CPE: variants seen among roughly 807,000 people sequenced by gnomAD.
The protein encoded by CPE is carbocypeptidase E.
Under a neutral mutation model 53.5 loss-of-function variants are expected in CPE, and 17 were observed. The observed-to-expected ratio is 0.32, with a 90% CI of 0.22 to 0.48. The LOEUF (loss-of-function observed/expected upper bound fraction) is 0.48. CPE is among the 20% of genes least tolerant of loss of function. CPE has a pLI of 0.99. For synonymous variants in CPE, 226 were observed against 228.8 expected (o/e 0.99, Z 0.11); for missense variants, 524 against 614.7 (o/e 0.85, Z 1.56).
rs1730912824 is a variant in CPE at position 165,403,964 on chromosome 4, C to A, written c.307+24436C>A. The A allele has an allele frequency of 1.2e-4, 75 of 602,882 alleles. 1 individual carries two copies. Among genetic ancestry groups the A allele is most frequent in the South Asian group, 1.2e-3 (75 of 60,602 alleles). 37.3% of individuals were successfully genotyped at this position (602,882 alleles called of 1,614,324 possible). ...CAAACCCAATGCCGGAGTTTGTCTT[C>A]CTTCTCGTTACTCTGATAAATCTAG... On this transcript the variant is annotated intron_variant, in intron 1 of 8. Transcript: ENST00000402744.
At chr4:165,396,718 G>A (rs1468387778) in intron 1 of CPE, among the ~76,000 whole-genome samples, 3 of 150,130 alleles carry the variant, frequency 2.0e-5, no homozygotes, top group Admixed American at 6.7e-5. Context: ...TAAGATAGAC[G>A]GAAATATAAT....
intron 5 of CPE, 43 bp downstream of exon 5, chr4:165,484,647 T>C: frequency 6.5e-7 from 1 of 1,543,044 alleles, no homozygotes; most frequent in South Asian, 1.2e-5. Flanking sequence ...TTGTAGCTTA[T>C]TTACAATGAC....
At chr4:165,479,892 G>T (rs7670456) in intron 3 of CPE, among the ~76,000 whole-genome samples, 73,095 of 151,164 alleles carry the variant, frequency 0.48, 17,948 homozygotes, top group African/African-American at 0.58. Flanking sequence ...CGCGGGAGGC[G>T]GAGGCAGGAG....
chr4:165,438,395 T>C (rs1369103293), intron 1 of CPE, among the ~76,000 whole-genome samples: 1 of 152,128 alleles, frequency 6.6e-6, no homozygotes, highest in East Asian at 1.9e-4. Flanking sequence ...TATTTGGTAG[T>C]ACAAAAAAGC....
At chr4:165,409,299 G>A (rs1730999999) in intron 1 of CPE, among the ~76,000 whole-genome samples, 2 of 152,122 alleles carry the variant, frequency 1.3e-5, no homozygotes, top group African/African-American at 4.8e-5. Flanking sequence ...TGCCTCCAGG[G>A]TTCAAGTGAT....
intron 1 of CPE, among the ~76,000 whole-genome samples, chr4:165,399,617 A>G (rs1284504498): frequency 2.0e-5 from 3 of 152,078 alleles, no homozygotes; most frequent in Non-Finnish European, 4.4e-5. Context: ...GGTGATCCAC[A>G]TGCCTTGGCC....
chr4:165,493,497 C>T (rs1044894602), intron 7 of CPE, among the ~76,000 whole-genome samples: 2 of 152,158 alleles, frequency 1.3e-5, no homozygotes, highest in South Asian at 2.1e-4. Flanking sequence ...CAGATGGCGC[C>T]CTTTCCTCAG....
At chr4:165,476,724 T>A (rs537792482) in intron 3 of CPE, among the ~76,000 whole-genome samples, 9 of 152,194 alleles carry the variant, frequency 5.9e-5, no homozygotes, top group Non-Finnish European at 1.0e-4. Context: ...CCTGCTCATG[T>A]CTGACTAGCT....
chr4:165,467,938 G>A, intron 3 of CPE, 83 bp downstream of exon 3: 2 of 1,431,796 alleles, frequency 1.4e-6, no homozygotes, highest in Admixed American at 1.9e-5. Context: ...ATGAAGGACA[G>A]AGGAGTAACA....
intron 1 of CPE, among the ~76,000 whole-genome samples, chr4:165,385,137 C>T (rs1034507541): frequency 6.6e-6 from 1 of 152,106 alleles, no homozygotes; most frequent in Non-Finnish European, 1.5e-5. Flanking sequence ...CTCACAGGAT[C>T]GCTGTGAGGC....
At chr4:165,466,448 C>T (rs1018999083) in intron 2 of CPE, among the ~76,000 whole-genome samples, 6 of 152,130 alleles carry the variant, frequency 3.9e-5, no homozygotes, top group Non-Finnish European at 8.8e-5. Flanking sequence ...AAACACTGTA[C>T]ACTCAGGTTA....
intron 1 of CPE, chr4:165,386,452 C>A: frequency 2.7e-6 from 1 of 374,218 alleles, no homozygotes; most frequent in Non-Finnish European, 5.1e-6. Context: ...TAAAACAAAG[C>A]CATGTTGGTC....
intron 1 of CPE, among the ~76,000 whole-genome samples, chr4:165,387,085 G>A (rs1180849929): frequency 6.6e-6 from 1 of 152,142 alleles, no homozygotes; most frequent in Non-Finnish European, 1.5e-5. Context: ...TGAACATTCA[G>A]GATATGGTGT....
chr4:165,461,732 C>T (rs1732011983), intron 1 of CPE, among the ~76,000 whole-genome samples: 1 of 152,090 alleles, frequency 6.6e-6, no homozygotes, highest in Admixed American at 6.5e-5. Context: ...CTTTTGGATC[C>T]CATGTAGTGT....
At chr4:165,463,568 TAAAAACAA>T (rs1358283074) in intron 1 of CPE, among the ~76,000 whole-genome samples, 1 of 152,094 alleles carries the variant, frequency 6.6e-6, no homozygotes, top group Middle Eastern at 3.4e-3. Context: ...GATTTAGGAA[TAAAAACAA>T]AAAAACAAAA....
intron 3 of CPE, among the ~76,000 whole-genome samples, chr4:165,473,506 AT>A (rs1164346007): frequency 1.3e-5 from 2 of 152,194 alleles, no homozygotes; most frequent in Non-Finnish European, 2.9e-5. Context: ...GCTCAGTTAG[AT>A]TTTTGCTGGG....
chr4:165,448,630 T>G (rs903467442), intron 1 of CPE, among the ~76,000 whole-genome samples: 6 of 150,712 alleles, frequency 4.0e-5, no homozygotes, highest in African/African-American at 9.8e-5. Flanking sequence ...TAATAAAGAA[T>G]AAAGCAAAAA....
intron 1 of CPE, among the ~76,000 whole-genome samples, chr4:165,394,513 A>G (rs1472826052): frequency 6.6e-6 from 1 of 152,112 alleles, no homozygotes; most frequent in Non-Finnish European, 1.5e-5. Flanking sequence ...CGCAGAATGA[A>G]TCATGTGTTG....
chr4:165,418,912 TG>T (rs1268646765), intron 1 of CPE, among the ~76,000 whole-genome samples: 1 of 152,098 alleles, frequency 6.6e-6, no homozygotes, highest in Non-Finnish European at 1.5e-5. Context: ...TGAGATAATT[TG>T]AAAAAAATAT....
Sources: gnomAD v4.1 joint callset for allele counts (sites outside exome capture counted in the v4.1 genomes callset) on GRCh38, gnomAD v4.1.1 for gene constraint, MANE v1.5 for transcripts, NCBI Gene and HGNC (gene_info 2026-07-23, HGNC 2026-07-21) for gene names.